The following SCAMP1 variants were observed in gnomAD, a reference collection of about 807,000 sequenced individuals.
SCAMP1 encodes secretory carrier membrane protein 1, also known as secretory carrier-associated membrane protein 1.
In SCAMP1, 15 loss-of-function variants were observed where a neutral mutation model predicts 41.8. The ratio of observed to expected loss-of-function variants is 0.36; its 90% CI spans 0.24 to 0.55. SCAMP1 has a LOEUF of 0.55. Ranked by LOEUF, SCAMP1 falls within the 20% of genes least tolerant of loss-of-function variation. SCAMP1 has a pLI of 0.86. For synonymous variants in SCAMP1, 135 were observed against 136.8 expected (o/e 0.99, Z 0.09); for missense variants, 341 against 412.6 (o/e 0.83, Z 1.50).
At chr5:78,442,861 G>A (rs1752960690) in intron 6 of SCAMP1, among the ~76,000 whole-genome samples, 1 of 152,140 alleles carries the variant, frequency 6.6e-6, no homozygotes, top group African/African-American at 2.4e-5. Context: ...ATTTCTTGGA[G>A]ATGATGGAAT....
chr5:78,465,109 A>G (rs1364000711), intron 8 of SCAMP1, among the ~76,000 whole-genome samples: 1 of 152,094 alleles, frequency 6.6e-6, no homozygotes, highest in African/African-American at 2.4e-5. Flanking sequence ...GTTGCCTTGT[A>G]TCTTAGGGAC....
At chr5:78,450,084 T>C (rs763378120) in intron 7 of SCAMP1, 50 bp downstream of exon 7, 6 of 1,063,572 alleles carry the variant, frequency 5.6e-6, no homozygotes, top group South Asian at 4.3e-5. Context: ...TATTGTAATA[T>C]AATTTTTGGC....
chr5:78,422,059 A>G, intron 6 of SCAMP1, 99 bp downstream of exon 6: 1 of 1,039,246 alleles, frequency 9.6e-7, no homozygotes, highest in Non-Finnish European at 1.4e-6. Flanking sequence ...TCATTAAAAA[A>G]TTCTTGTATT....
intron 7 of SCAMP1, among the ~76,000 whole-genome samples, chr5:78,452,820 C>G (rs1029781027): frequency 1.4e-5 from 2 of 146,246 alleles, no homozygotes; most frequent in Admixed American, 1.4e-4. Flanking sequence ...TAAAAGTGTT[C>G]CTATTTCTCC....
Position 78,418,759 on chromosome 5 carries a change from T to A in SCAMP1, c.344-16T>A. The stretch of plus-strand genomic sequence containing the variant: ...TAATATAAATAACCTTTTCTTTTTC[T>A]AAAAAAAATTTACAGGTAGAAAAAA... On this transcript the variant is annotated splice_polypyrimidine_tract_variant and intron_variant, in intron 4 of 8. Transcript: ENST00000621999. 2 of 1,452,204 alleles carry A rather than the reference T, an allele frequency of 1.4e-6. No individual in the cohort carries two copies. Among genetic ancestry groups the A allele is most frequent in the Non-Finnish European group, 1.9e-6 (2 of 1,080,380 alleles). 90.0% of individuals were successfully genotyped at this position (1,452,204 alleles called of 1,614,324 possible).
At chr5:78,395,027 C>G (rs1409501081) in intron 2 of SCAMP1, among the ~76,000 whole-genome samples, 1 of 152,220 alleles carries the variant, frequency 6.6e-6, no homozygotes. Flanking sequence ...GCTTTTTATA[C>G]TGTGACTGGA....
At chr5:78,455,714 G>A (rs1204899482) in intron 7 of SCAMP1, among the ~76,000 whole-genome samples, 1 of 138,072 alleles carries the variant, frequency 7.2e-6, no homozygotes, top group Non-Finnish European at 1.5e-5. Context: ...TTGGTGCAGA[G>A]CTGAGTTCAA....
intron 8 of SCAMP1, among the ~76,000 whole-genome samples, chr5:78,461,854 G>GT (rs1223911377): frequency 1.6e-4 from 24 of 152,276 alleles, no homozygotes; most frequent in African/African-American, 5.1e-4. Context: ...GTGAGCCACT[G>GT]TGCACTATAG....
At chr5:78,369,087 G>T (rs771568858) in intron 1 of SCAMP1, among the ~76,000 whole-genome samples, 45 of 151,718 alleles carry the variant, frequency 3.0e-4, no homozygotes, top group Non-Finnish European at 4.7e-4. Flanking sequence ...CAACTGGTTG[G>T]TGGAATAGTC....
chr5:78,384,806 T>G (rs1037283349), intron 1 of SCAMP1, among the ~76,000 whole-genome samples: 1 of 152,244 alleles, frequency 6.6e-6, no homozygotes, highest in African/African-American at 2.4e-5. Flanking sequence ...TGAAACCACT[T>G]GATTATGGTG....
At chr5:78,464,734 G>T (rs1241686430) in intron 8 of SCAMP1, among the ~76,000 whole-genome samples, 1 of 152,070 alleles carries the variant, frequency 6.6e-6, no homozygotes, top group African/African-American at 2.4e-5. Flanking sequence ...CATCAAATGG[G>T]CCTTAATAAC....
At chr5:78,431,534 C>T (rs1217399310) in intron 6 of SCAMP1, among the ~76,000 whole-genome samples, 60 of 121,238 alleles carry the variant, frequency 4.9e-4, no homozygotes, top group South Asian at 7.9e-4. Flanking sequence ...TTCTTTTTGC[C>T]TTTTTTTTTT....
intron 6 of SCAMP1, among the ~76,000 whole-genome samples, chr5:78,441,164 G>A (rs950474320): frequency 1.3e-5 from 2 of 152,182 alleles, no homozygotes; most frequent in South Asian, 2.1e-4. Flanking sequence ...TCCCAGGTGA[G>A]GTGACACCCT....
chr5:78,403,085 G>A (rs1183448441), intron 2 of SCAMP1, among the ~76,000 whole-genome samples: 4 of 152,224 alleles, frequency 2.6e-5, no homozygotes, highest in African/African-American at 4.8e-5. Flanking sequence ...TGGCCATGCT[G>A]GTCTCAAACT....
At chr5:78,418,656 C>T (rs1752265176) in intron 4 of SCAMP1, 119 bp from the exon 5 acceptor site, 2 of 678,750 alleles carry the variant, frequency 2.9e-6, no homozygotes, top group East Asian at 6.0e-5. Context: ...AGATATAGTT[C>T]TACAGTTTTT....
chr5:78,472,770 A>G (rs1560198), intron 8 of SCAMP1, among the ~76,000 whole-genome samples: 7,364 of 152,164 alleles, frequency 0.048, 391 homozygotes, highest in East Asian at 0.3. Flanking sequence ...ATTTTAGTAA[A>G]CTGTGAAGCC....
intron 5 of SCAMP1, among the ~76,000 whole-genome samples, chr5:78,419,929 A>G (rs1752299941): frequency 6.6e-6 from 1 of 152,214 alleles, no homozygotes; most frequent in Non-Finnish European, 1.5e-5. Context: ...TGTCAGTAGT[A>G]TATATTTTTA....
chr5:78,409,440 CACACACACGCAT>C (rs1302470015), intron 2 of SCAMP1, among the ~76,000 whole-genome samples: 8 of 151,714 alleles, frequency 5.3e-5, no homozygotes, highest in African/African-American at 1.5e-4. Context: ...CACACACACA[CACACACACGCAT>C]ACACGCTCAT....
At chr5:78,463,087 G>C (rs1313049949) in intron 8 of SCAMP1, among the ~76,000 whole-genome samples, 1 of 152,084 alleles carries the variant, frequency 6.6e-6, no homozygotes, top group East Asian at 1.9e-4. Context: ...CCCTACGAAG[G>C]TTAGACTGTG....
Sources: gnomAD v4.1 joint callset for allele counts (sites outside exome capture counted in the v4.1 genomes callset) on GRCh38, gnomAD v4.1.1 for gene constraint, MANE v1.5 for transcripts, NCBI Gene and HGNC (gene_info 2026-07-23, HGNC 2026-07-21) for gene names.